The following FHIT variants were observed in gnomAD, a reference collection of about 807,000 sequenced individuals.
The protein encoded by FHIT is fragile histidine triad diadenosine triphosphatase, also known as bis(5'-adenosyl)-triphosphatase.
FHIT carries 19 observed loss-of-function variants against 17.9 expected under a neutral mutation model. The observed-to-expected ratio is 1.06, with a 90% CI of 0.74 to 1.56. The LOEUF (loss-of-function observed/expected upper bound fraction) is 1.56, where lower values mean the gene tolerates loss of function less well. FHIT is among the 40% of genes most tolerant of loss of function. The probability of loss-of-function intolerance (pLI) is 0.00; values close to 1 mark genes in which losing one functional copy is unlikely to be tolerated. For missense variants in FHIT, 248 were observed against 189.2 expected (o/e 1.31, Z -1.82); for synonymous variants, 81 against 69.7 (o/e 1.16, Z -0.81).
At chr3:60,457,175 A>G (rs1304246198) in intron 5 of FHIT, among the ~76,000 whole-genome samples, 1 of 152,108 alleles carries the variant, frequency 6.6e-6, no homozygotes, top group African/African-American at 2.4e-5. Context: ...ACCTGACTTC[A>G]AACAATACTA....
intron 4 of FHIT, among the ~76,000 whole-genome samples, chr3:60,775,838 C>A (rs9821406): frequency 0.23 from 34,692 of 152,000 alleles, 5,044 homozygotes; most frequent in African/African-American, 0.41. Flanking sequence ...GCTGGTTCCC[C>A]GTCACTCCTG....
At chr3:60,348,718 T>G (rs915322735) in intron 5 of FHIT, among the ~76,000 whole-genome samples, 5 of 152,228 alleles carry the variant, frequency 3.3e-5, no homozygotes, top group African/African-American at 1.2e-4. Flanking sequence ...CTTTGGATGC[T>G]TGGCTTAGCC....
At chr3:59,826,848 G>A (rs1379125138) in intron 8 of FHIT, among the ~76,000 whole-genome samples, 1 of 152,232 alleles carries the variant, frequency 6.6e-6, no homozygotes, top group Non-Finnish European at 1.5e-5. Flanking sequence ...GCAAGTCTTA[G>A]AATAAAACCA....
At chr3:60,461,449 A>AGT (rs1312022864) in intron 5 of FHIT, among the ~76,000 whole-genome samples, 4 of 115,414 alleles carry the variant, frequency 3.5e-5, no homozygotes. Context: ...CTAATAAAAC[A>AGT]ATATGTCATC....
intron 5 of FHIT, among the ~76,000 whole-genome samples, chr3:60,205,004 G>C (rs932170576): frequency 3.4e-4 from 52 of 151,600 alleles, no homozygotes; most frequent in African/African-American, 1.1e-3. Flanking sequence ...GCTGAGGTGG[G>C]AAGATAGCTT....
In FHIT at chr3:60,346,913, A is replaced by G. The variant is rs190845396; in HGVS notation, c.103+189947T>C. On this transcript the variant is annotated intron_variant, in intron 5 of 9. Coordinates refer to ENST00000492590, the MANE Select transcript of FHIT (RefSeq NM_002012.4). The stretch of plus-strand genomic sequence containing the variant: ...GTTTTAAAATAGATTTTTAAAATTT[A>G]TTACCTTAAAGATTTTTTCCTGTAG... Among the ~76,000 whole-genome samples the G allele has an allele frequency of 1.3e-3, 192 of 152,290 alleles. 2 individuals carry two copies. The highest frequency in any genetic ancestry group is 0.01 in the Middle Eastern group (3 of 294).
At chr3:60,212,537 C>T (rs546133284) in intron 5 of FHIT, among the ~76,000 whole-genome samples, 1 of 152,254 alleles carries the variant, frequency 6.6e-6, no homozygotes, top group South Asian at 2.1e-4. Context: ...TTCTCCAAAA[C>T]ACATATCTCT....
In FHIT at chr3:60,052,935, C is replaced by T. The variant is rs149187376; in HGVS notation, c.104-38783G>A. Among the ~76,000 whole-genome samples the T allele has an allele frequency of 6.7e-3, 1,023 of 151,776 alleles. 12 individuals are homozygous for T. The highest frequency in any genetic ancestry group is 0.023 in the African/African-American group (935 of 41,398). On this transcript the variant is annotated intron_variant, in intron 5 of 9. Transcript: ENST00000492590. ...TCAAATTTATGGCAGTTAAACCTGCCAGCCCAAAGCACTTAAAATATAAAA... is the reference window on the plus strand; with the variant it reads ...TCAAATTTATGGCAGTTAAACCTGCTAGCCCAAAGCACTTAAAATATAAAA...
chr3:61,234,583 G>T (rs1369120771), intron 1 of FHIT, among the ~76,000 whole-genome samples: 1 of 152,122 alleles, frequency 6.6e-6, no homozygotes, highest in Admixed American at 6.5e-5. Context: ...TGGAAAAAAA[G>T]CCACACACTG....
intron 5 of FHIT, among the ~76,000 whole-genome samples, chr3:60,529,390 AAC>A (rs1197503636): frequency 2.0e-5 from 3 of 152,220 alleles, no homozygotes; most frequent in East Asian, 1.9e-4. Flanking sequence ...AGTAGATTTT[AAC>A]AGTTTTGATA....
intron 7 of FHIT, among the ~76,000 whole-genome samples, chr3:59,955,034 T>A (rs921191021): frequency 1.3e-5 from 2 of 152,242 alleles, no homozygotes; most frequent in Admixed American, 1.3e-4. Context: ...AAAGCTGAGC[T>A]GATCCACTTA....
intron 5 of FHIT, among the ~76,000 whole-genome samples, chr3:60,457,877 A>T (rs1395835516): frequency 6.6e-6 from 1 of 152,206 alleles, no homozygotes; most frequent in Admixed American, 6.5e-5. Context: ...TCAAAACCAC[A>T]ATGAGATACC....
chr3:60,043,830 T>C lies in FHIT; in HGVS notation c.104-29678A>G, dbSNP rs527698773. Among the ~76,000 whole-genome samples the C allele has an allele frequency of 2.0e-5, 3 of 152,312 alleles. No individual in the cohort carries two copies. The South Asian group carries it at 6.2e-4, about 32-fold the overall frequency. Reference sequence around the variant, plus strand: ...AAGTCCGACCCAGCTGATTAGTATTTGATGTGCTGAAGAGCCTAATGTTTC... The same window carrying C: ...AAGTCCGACCCAGCTGATTAGTATTCGATGTGCTGAAGAGCCTAATGTTTC... On this transcript the variant is annotated intron_variant, in intron 5 of 9. Coordinates refer to ENST00000492590, the MANE Select transcript of FHIT (RefSeq NM_002012.4).
chr3:60,428,499 C>A (rs1430254861), intron 5 of FHIT, among the ~76,000 whole-genome samples: 1 of 152,106 alleles, frequency 6.6e-6, no homozygotes, highest in African/African-American at 2.4e-5. Context: ...GAGTCTGCAT[C>A]CAGATTGTTA....
rs185548096 is a variant in FHIT at position 60,416,946 on chromosome 3, G to A, written c.103+119914C>T. On this transcript the variant is annotated intron_variant, in intron 5 of 9. Transcript: ENST00000492590. ...CTAAAAAAATACAAAAAAATTAGCC[G>A]GGCGTGGTGGCAGGCGCCTGTAGTC... is the stretch of plus-strand genomic sequence containing the variant. 7.4e-3 allele frequency among the ~76,000 whole-genome samples: 1,121 copies of A among 152,012 alleles called. 6 individuals are homozygous for A. Among genetic ancestry groups the A allele is most frequent in the Admixed American group, 0.012 (178 of 15,250 alleles).
At chr3:60,557,531 C>G (rs966321832) in intron 4 of FHIT, among the ~76,000 whole-genome samples, 1 of 151,788 alleles carries the variant, frequency 6.6e-6, no homozygotes, top group Non-Finnish European at 1.5e-5. Context: ...CATAAGGTGG[C>G]CATGCCAGGT....
intron 5 of FHIT, among the ~76,000 whole-genome samples, chr3:60,067,574 C>G (rs1702571705): frequency 6.6e-6 from 1 of 152,198 alleles, no homozygotes; most frequent in African/African-American, 2.4e-5. Flanking sequence ...CAGGTACTAT[C>G]TGGCTCATCA....
At chr3:60,860,534 A>T (rs1169342031) in intron 3 of FHIT, among the ~76,000 whole-genome samples, 11 of 29,314 alleles carry the variant, frequency 3.8e-4, no homozygotes, top group South Asian at 1.4e-3. Flanking sequence ...CATATATATC[A>T]GGTATATATG....
intron 5 of FHIT, among the ~76,000 whole-genome samples, chr3:60,100,785 A>G (rs1704159407): frequency 6.6e-6 from 1 of 152,182 alleles, no homozygotes; most frequent in Admixed American, 6.5e-5. Flanking sequence ...CATGCTGGAG[A>G]CACACCATCA....
Sources: allele counts gnomAD v4.1 joint callset (sites outside exome capture counted in the v4.1 genomes callset), GRCh38; gene constraint gnomAD v4.1.1; transcripts MANE v1.5; gene names NCBI Gene and HGNC (gene_info 2026-07-23, HGNC 2026-07-21).